Variants in ROBO1 observed in about 807,000 individuals in gnomAD.
The protein encoded by ROBO1 is roundabout homolog 1.
In ROBO1, 149 loss-of-function variants were observed where a neutral mutation model predicts 195.9. The observed-to-expected ratio is 0.76, with a 90% CI of 0.67 to 0.87. The LOEUF is 0.87. Ranked by LOEUF, ROBO1 falls within the 40% of genes least tolerant of loss-of-function variation. ROBO1 has a pLI of 0.00. For missense variants in ROBO1, 1,933 were observed against 2,068.3 expected (o/e 0.93, Z 1.27); for synonymous variants, 816 against 733.2 (o/e 1.11, Z -1.82).
chr3:79,321,583 G>A (rs113099441), intron 2 of ROBO1, among the ~76,000 whole-genome samples: 2 of 152,252 alleles, frequency 1.3e-5, no homozygotes, highest in African/African-American at 4.8e-5. Flanking sequence ...AATTGCAAGA[G>A]GATGAAGTCT....
chr3:79,542,929 A>G (rs770931580), intron 2 of ROBO1, among the ~76,000 whole-genome samples: 1 of 152,126 alleles, frequency 6.6e-6, no homozygotes, highest in Non-Finnish European at 1.5e-5. Context: ...TTCTTTAAAC[A>G]TAATGGAATT....
intron 3 of ROBO1, among the ~76,000 whole-genome samples, chr3:78,969,854 T>C (rs1342612662): frequency 6.6e-6 from 1 of 152,222 alleles, no homozygotes; most frequent in Non-Finnish European, 1.5e-5. Context: ...ACCTGGTTTT[T>C]GCAGACAGTT....
chr3:78,840,763 T>C (rs183606242), intron 4 of ROBO1, among the ~76,000 whole-genome samples: 2 of 152,176 alleles, frequency 1.3e-5, no homozygotes, highest in East Asian at 3.9e-4. Context: ...AATGAAATTA[T>C]CAAAAGTAAG....
At chr3:79,211,859 G>A (rs1007452640) in intron 2 of ROBO1, among the ~76,000 whole-genome samples, 21 of 152,296 alleles carry the variant, frequency 1.4e-4, no homozygotes, top group African/African-American at 5.1e-4. Context: ...AAATATAGCG[G>A]TGTGGAGTGG....
intron 1 of ROBO1, among the ~76,000 whole-genome samples, chr3:79,706,665 G>A (rs1947781430): frequency 6.6e-6 from 1 of 151,920 alleles, no homozygotes; most frequent in Non-Finnish European, 1.5e-5. Context: ...TATGGGGGCG[G>A]GGGTAGTTTC....
intron 1 of ROBO1, among the ~76,000 whole-genome samples, chr3:79,645,106 A>G (rs1238005895): frequency 1.3e-5 from 2 of 152,152 alleles, no homozygotes; most frequent in East Asian, 3.9e-4. Context: ...ACATAAAAAC[A>G]GTAGAAAGAC....
intron 4 of ROBO1, among the ~76,000 whole-genome samples, chr3:78,884,599 AAG>A (rs989567760): frequency 2.9e-5 from 4 of 137,188 alleles, no homozygotes; most frequent in African/African-American, 1.3e-4. Flanking sequence ...GAAAGAAAGA[AAG>A]AGAGAAAGAG....
At chr3:78,606,648 T>A (rs1703472373) in intron 29 of ROBO1, 85 bp downstream of exon 29, 2 of 1,383,094 alleles carry the variant, frequency 1.4e-6, no homozygotes, top group African/African-American at 1.4e-5. Flanking sequence ...ATCTTACCAC[T>A]TTTTACATGG....
chr3:79,534,439 G>A (rs1941778757), intron 2 of ROBO1, among the ~76,000 whole-genome samples: 1 of 152,042 alleles, frequency 6.6e-6, no homozygotes, highest in South Asian at 2.1e-4. Context: ...TAGTTTCATG[G>A]TTCTAGAAGA....
At position 79,686,172 on chromosome 3, in the gene ROBO1, C is replaced by T. The variant is rs181509941; in HGVS notation, c.-51+81580G>A. Among the ~76,000 whole-genome samples the T allele has an allele frequency of 1.3e-4, 20 of 152,254 alleles. No individual in the cohort carries two copies. In the South Asian group the frequency reaches 2.3e-3, roughly 17 times the overall value. On this transcript the variant is annotated intron_variant, in intron 1 of 30. Coordinates refer to ENST00000464233, the MANE Select transcript of ROBO1 (RefSeq NM_002941.4). ...AAAGCCTTTGACAAAATTCAACAAC[C>T]GTTCATGCTAAAAACTCTCAATAAA...
chr3:79,621,035 C>T (rs1433128991), intron 1 of ROBO1, among the ~76,000 whole-genome samples: 2 of 152,070 alleles, frequency 1.3e-5, no homozygotes, highest in South Asian at 2.1e-4. Context: ...CCCTCCAGAA[C>T]CCATTATTCT....
chr3:79,487,376 G>A (rs530603132), intron 2 of ROBO1, among the ~76,000 whole-genome samples: 2 of 152,040 alleles, frequency 1.3e-5, no homozygotes, highest in East Asian at 3.9e-4. Flanking sequence ...CTTTCTGTGT[G>A]TGTTTGTTTT....
At chr3:78,960,733 C>T (rs150591803) in intron 3 of ROBO1, among the ~76,000 whole-genome samples, 31 of 149,510 alleles carry the variant, frequency 2.1e-4, no homozygotes, top group African/African-American at 6.1e-4. Flanking sequence ...GCCGAGATTG[C>T]GCCACTGCTC....
intron 1 of ROBO1, among the ~76,000 whole-genome samples, chr3:79,658,416 T>A (rs1465402127): frequency 1.3e-5 from 2 of 152,096 alleles, no homozygotes; most frequent in Non-Finnish European, 2.9e-5. Context: ...TTCAAGGGTC[T>A]TTACTTCCTA....
intron 2 of ROBO1, among the ~76,000 whole-genome samples, chr3:79,214,536 T>A (rs1223766134): frequency 6.6e-6 from 1 of 152,008 alleles, no homozygotes; most frequent in Non-Finnish European, 1.5e-5. Context: ...AACGTGCTAA[T>A]GCATATAAAG....
intron 2 of ROBO1, among the ~76,000 whole-genome samples, chr3:79,256,153 C>T (rs1015077380): frequency 4.6e-5 from 7 of 152,116 alleles, no homozygotes; most frequent in African/African-American, 1.7e-4. Flanking sequence ...CCTTTAAGAA[C>T]AGGGATTCTT....
intron 1 of ROBO1, among the ~76,000 whole-genome samples, chr3:79,750,098 G>A (rs1012468043): frequency 2.0e-5 from 3 of 152,216 alleles, no homozygotes; most frequent in East Asian, 1.9e-4. Context: ...ATGGGAACAC[G>A]ACTCTTGCAT....
At chr3:78,872,493 T>C (rs1238250397) in intron 4 of ROBO1, among the ~76,000 whole-genome samples, 1 of 152,244 alleles carries the variant, frequency 6.6e-6, no homozygotes, top group Non-Finnish European at 1.5e-5. Context: ...AAAGAATTTT[T>C]TTTATTGTTA....
At chr3:78,922,965 T>A (rs773191617) in intron 4 of ROBO1, among the ~76,000 whole-genome samples, 5 of 152,160 alleles carry the variant, frequency 3.3e-5, no homozygotes, top group Non-Finnish European at 7.3e-5. Flanking sequence ...TATCAGAAGT[T>A]CTAAGGACAT....
Sources: gnomAD v4.1 joint callset for allele counts (sites outside exome capture counted in the v4.1 genomes callset) on GRCh38, gnomAD v4.1.1 for gene constraint, MANE v1.5 for transcripts, NCBI Gene and HGNC (gene_info 2026-07-23, HGNC 2026-07-21) for gene names.